NDC1: variants seen among roughly 807,000 people sequenced by gnomAD.
The protein encoded by NDC1 is nucleoporin NDC1.
In NDC1, 24 loss-of-function variants were observed where a neutral mutation model predicts 89.8. The observed-to-expected ratio is 0.27, with a 90% confidence interval of 0.19 to 0.38. NDC1 has a LOEUF of 0.38. Among genes scored for constraint, NDC1 ranks in the 10% least tolerant of loss-of-function variants. NDC1 has a pLI of 1.00. For missense variants in NDC1, 728 were observed against 797.6 expected (o/e 0.91, Z 1.05); for synonymous variants, 296 against 284.8 (o/e 1.04, Z -0.39).
Position 53,825,885 on chromosome 1 carries a change from GA to G in NDC1, c.506del (p.Phe169SerfsTer3). 1 of 1,609,826 alleles carries G rather than the reference GA, an allele frequency of 6.2e-7. No homozygotes were observed. The highest frequency in any genetic ancestry group is 1.7e-5 in the Admixed American group (1 of 59,110). On this transcript the variant is annotated frameshift_variant, in exon 5 of 18. Coordinates refer to ENST00000371429, the MANE Select transcript of NDC1 (RefSeq NM_018087.5). LOFTEE classifies it high-confidence loss of function. The stretch of plus-strand genomic sequence containing the variant: ...AGCCCATAAATGCTCCAGTCAGTAG[GA>G]AAAAAAGATGATATTCATTTAAGCA... ...QTCLNEYHLF[F>X]LLTGAFMGYS...
intron 15 of NDC1, among the ~76,000 whole-genome samples, chr1:53,787,664 G>GATAAATAA (rs56823781): frequency 0.07 from 10,253 of 146,746 alleles, 578 homozygotes; most frequent in African/African-American, 0.15. Context: ...TAAATAAATA[G>GATAAATAA]ATAAATAAAT....
chr1:53,792,310 A>T lies in NDC1; in HGVS notation c.1635+919T>A, dbSNP rs546997292. ...CAACCCCTCTTCCTTTTGGTGGAAGACAAGACACCTTCCTCTAATGGGCAG... is the reference window on the plus strand; with the variant it reads ...CAACCCCTCTTCCTTTTGGTGGAAGTCAAGACACCTTCCTCTAATGGGCAG... On this transcript the variant is annotated intron_variant, in intron 14 of 17. Coordinates refer to ENST00000371429, the MANE Select transcript of NDC1 (RefSeq NM_018087.5). 6.8e-4 allele frequency among the ~76,000 whole-genome samples: 104 copies of T among 152,274 alleles called. No individual in the cohort carries two copies. The South Asian group carries it at 7.9e-3, about 12-fold the overall frequency.
intron 10 of NDC1, among the ~76,000 whole-genome samples, chr1:53,801,849 G>C (rs938165593): frequency 1.3e-5 from 2 of 152,072 alleles, no homozygotes. Flanking sequence ...CTCTGCCTCT[G>C]GGGTTCAAGC....
intron 2 of NDC1, among the ~76,000 whole-genome samples, chr1:53,834,869 A>T (rs984891906): frequency 2.6e-5 from 4 of 152,136 alleles, no homozygotes; most frequent in African/African-American, 9.7e-5. Flanking sequence ...GCACTTCGGG[A>T]GGCTGAGGCA....
At chr1:53,818,855 A>G in intron 6 of NDC1, 116 bp downstream of exon 6, 1 of 567,264 alleles carries the variant, frequency 1.8e-6, no homozygotes, top group East Asian at 3.2e-5. Context: ...GAATCAGTTG[A>G]GCTAATCACA....
At chr1:53,811,162 C>A (rs1648293589) in intron 6 of NDC1, among the ~76,000 whole-genome samples, 1 of 152,196 alleles carries the variant, frequency 6.6e-6, no homozygotes, top group Non-Finnish European at 1.5e-5. Flanking sequence ...TGCCTGGCAC[C>A]ACAGGGATCC....
intron 17 of NDC1, among the ~76,000 whole-genome samples, chr1:53,770,418 T>C (rs1647102203): frequency 6.6e-6 from 1 of 152,118 alleles, no homozygotes; most frequent in Admixed American, 6.5e-5. Flanking sequence ...GTGATTCTCC[T>C]GCATCAGCCT....
chr1:53,830,903 C>T (rs1649041672), intron 3 of NDC1, among the ~76,000 whole-genome samples: 1 of 149,982 alleles, frequency 6.7e-6, no homozygotes, highest in Admixed American at 6.7e-5. Flanking sequence ...TTCTATGATC[C>T]TACCGCATCT....
intron 16 of NDC1, among the ~76,000 whole-genome samples, chr1:53,786,562 G>C (rs934826116): frequency 6.6e-6 from 1 of 152,218 alleles, no homozygotes; most frequent in African/African-American, 2.4e-5. Context: ...ACTTTTGTCA[G>C]TGAACAGAAG....
chr1:53,812,849 G>T (rs540535495), intron 6 of NDC1, among the ~76,000 whole-genome samples: 20 of 152,220 alleles, frequency 1.3e-4, no homozygotes, highest in Non-Finnish European at 2.9e-4. Context: ...TTTAAGAGCT[G>T]TGAGACAGAA....
chr1:53,834,500 C>T (rs1213232033), intron 2 of NDC1, among the ~76,000 whole-genome samples: 1 of 152,220 alleles, frequency 6.6e-6, no homozygotes, highest in African/African-American at 2.4e-5. Flanking sequence ...TCCTTGAAAA[C>T]TGGCATTTTC....
At chr1:53,838,101 C>A in intron 1 of NDC1, 104 bp downstream of exon 1, 1 of 1,056,584 alleles carries the variant, frequency 9.5e-7, no homozygotes, top group Non-Finnish European at 1.4e-6. Flanking sequence ...TCTCTCCACG[C>A]TGCCCCGGGA....
chr1:53,834,334 A>G (rs1649161068), intron 2 of NDC1, among the ~76,000 whole-genome samples: 1 of 152,228 alleles, frequency 6.6e-6, no homozygotes, highest in Admixed American at 6.5e-5. Flanking sequence ...AGTGAAGCAG[A>G]CACAGGTAAG....
intron 14 of NDC1, among the ~76,000 whole-genome samples, chr1:53,792,614 A>G (rs567416601): frequency 1.3e-5 from 2 of 152,342 alleles, no homozygotes; most frequent in Non-Finnish European, 2.9e-5. Context: ...TTTAAAAGCT[A>G]AAAACAAAAA....
At chr1:53,800,111 A>G (rs1280956926) in intron 11 of NDC1, among the ~76,000 whole-genome samples, 2 of 152,150 alleles carry the variant, frequency 1.3e-5, no homozygotes, top group Non-Finnish European at 2.9e-5. Context: ...AGTGTTTTTA[A>G]TGCTACCACC....
chr1:53,768,351 T>C (rs1255055415), intron 17 of NDC1, among the ~76,000 whole-genome samples: 1 of 152,216 alleles, frequency 6.6e-6, no homozygotes, highest in Non-Finnish European at 1.5e-5. Context: ...TTTCTGGATT[T>C]TATTATTTTA....
chr1:53,787,320 C>T lies in NDC1; in HGVS notation c.1700-62G>A, dbSNP rs765707470. 1.3e-5 allele frequency: 12 copies of T among 909,750 alleles called. 1 individual carries two copies. In the Middle Eastern group the frequency reaches 2.3e-3, roughly 178 times the overall value. The allele number at this position is 909,750 out of a possible 1,614,324, so 56.4% of individuals were successfully genotyped here. On this transcript the variant is annotated intron_variant, in intron 15 of 17. Coordinates refer to ENST00000371429, the MANE Select transcript of NDC1 (RefSeq NM_018087.5). Reference sequence around the variant, plus strand: ...AAATTAGGCAAAACTATTTGAAATACATCTATTTTAGGAAGGATTAATATT... The same window carrying T: ...AAATTAGGCAAAACTATTTGAAATATATCTATTTTAGGAAGGATTAATATT...
chr1:53,805,049 G>A (rs1477455383), intron 9 of NDC1, among the ~76,000 whole-genome samples: 1 of 152,158 alleles, frequency 6.6e-6, no homozygotes, highest in East Asian at 1.9e-4. Flanking sequence ...GTAACCAAAT[G>A]AGTAACTGAT....
At chr1:53,815,916 A>G (rs752114624) in intron 6 of NDC1, among the ~76,000 whole-genome samples, 5 of 152,212 alleles carry the variant, frequency 3.3e-5, no homozygotes, top group Admixed American at 6.5e-5. Context: ...GATCTCTACA[A>G]GGAAAACTAC....
Sources: allele counts gnomAD v4.1 joint callset (sites outside exome capture counted in the v4.1 genomes callset), GRCh38; gene constraint gnomAD v4.1.1; transcripts MANE v1.5; gene names NCBI Gene and HGNC (gene_info 2026-07-23, HGNC 2026-07-21).